The following TMEM132C variants were observed in gnomAD, a reference collection of about 807,000 sequenced individuals.
TMEM132C encodes the protein transmembrane protein 132C, also known as protein phosphatase 1, regulatory subunit 152.
Under a neutral mutation model 61.4 loss-of-function variants are expected in TMEM132C, and 29 were observed. That is an observed-to-expected ratio of 0.47 (90% CI 0.35 to 0.64). The LOEUF is 0.64. TMEM132C is among the 30% of genes least tolerant of loss of function. The probability of loss-of-function intolerance (pLI) is 0.00; values close to 1 mark genes in which losing one functional copy is unlikely to be tolerated. For synonymous variants in TMEM132C, 656 were observed against 633.1 expected (o/e 1.04, Z -0.54); for missense variants, 1,408 against 1,476.9 (o/e 0.95, Z 0.76).
chr12:128,423,663 A>G (rs941264013), intron 2 of TMEM132C, among the ~76,000 whole-genome samples: 6 of 151,996 alleles, frequency 3.9e-5, no homozygotes, highest in African/African-American at 1.5e-4. Flanking sequence ...TGAACCCAGG[A>G]GTTCAAGTCC....
intron 5 of TMEM132C, among the ~76,000 whole-genome samples, chr12:128,674,625 G>A (rs187997911): frequency 6.6e-6 from 1 of 152,298 alleles, no homozygotes; most frequent in African/African-American, 2.4e-5. Flanking sequence ...CAGCAGATCT[G>A]GCAGAGCTAC....
chr12:128,387,530 A>G (rs1054837397), intron 1 of TMEM132C, among the ~76,000 whole-genome samples: 2 of 152,056 alleles, frequency 1.3e-5, no homozygotes, highest in African/African-American at 2.4e-5. Context: ...AACAAAAATC[A>G]GCTGGGCACG....
intron 1 of TMEM132C, among the ~76,000 whole-genome samples, chr12:128,365,230 C>T (rs1479923032): frequency 6.6e-6 from 1 of 152,136 alleles, no homozygotes; most frequent in African/African-American, 2.4e-5. Flanking sequence ...GTTTGGTTCC[C>T]TTTGCCCCGA....
intron 1 of TMEM132C, among the ~76,000 whole-genome samples, chr12:128,343,995 C>G (rs1215475770): frequency 2.0e-5 from 3 of 152,096 alleles, no homozygotes; most frequent in Non-Finnish European, 4.4e-5. Flanking sequence ...TCTTTTATGA[C>G]TGGGTAATCT....
At chr12:128,475,919 A>T (rs1165466624) in intron 2 of TMEM132C, among the ~76,000 whole-genome samples, 3 of 152,162 alleles carry the variant, frequency 2.0e-5, no homozygotes, top group Admixed American at 1.3e-4. Flanking sequence ...TGACCAAGGG[A>T]GGTAGGTGGT....
At chr12:128,434,437 A>T (rs1869503550) in intron 2 of TMEM132C, among the ~76,000 whole-genome samples, 1 of 151,848 alleles carries the variant, frequency 6.6e-6, no homozygotes, top group Admixed American at 6.6e-5. Flanking sequence ...AGTAGCCAGG[A>T]TTACAGGTGC....
At chr12:128,622,525 G>A (rs935823965) in intron 4 of TMEM132C, among the ~76,000 whole-genome samples, 1 of 151,038 alleles carries the variant, frequency 6.6e-6, no homozygotes, top group Non-Finnish European at 1.5e-5. Context: ...TCCCACCTGG[G>A]GGCATCCTGT....
At chr12:128,542,718 G>A (rs1033754220) in intron 2 of TMEM132C, among the ~76,000 whole-genome samples, 4 of 120,624 alleles carry the variant, frequency 3.3e-5, no homozygotes, top group African/African-American at 5.5e-5. Flanking sequence ...AAAAGTAGCC[G>A]GGCGTGGTGG....
intron 1 of TMEM132C, among the ~76,000 whole-genome samples, chr12:128,286,229 A>G (rs1871066885): frequency 6.7e-6 from 1 of 149,728 alleles, no homozygotes; most frequent in Admixed American, 6.7e-5. Context: ...TTCAGTTCTC[A>G]GGAAGGTCTT....
At chr12:128,652,780 C>A (rs930492334) in intron 4 of TMEM132C, among the ~76,000 whole-genome samples, 1 of 152,250 alleles carries the variant, frequency 6.6e-6, no homozygotes, top group Non-Finnish European at 1.5e-5. Context: ...AGTGCTCAGG[C>A]CAATTTGGAG....
In TMEM132C at chr12:128,326,693, T is replaced by A. The variant is rs79963175; in HGVS notation, c.85+59206T>A. Among the ~76,000 whole-genome samples, 4 of 152,304 alleles carry A rather than the reference T, an allele frequency of 2.6e-5. No homozygotes were observed. In the East Asian group the frequency reaches 7.7e-4, roughly 29 times the overall value. ...ACTGAAGCAGGATCTCTATTAGCCT[T>A]TGTGCCCCTAAGACGGAGCAGGCTG... On this transcript the variant is annotated intron_variant, in intron 1 of 8. Transcript: ENST00000435159. This position sits in a 1 kb window ranked among gnomAD's most constrained non-coding sequence, Gnocchi z 5.6.
chr12:128,620,104 C>T (rs1038255077), intron 4 of TMEM132C, among the ~76,000 whole-genome samples: 3 of 151,832 alleles, frequency 2.0e-5, no homozygotes. Context: ...CGGTAGCACA[C>T]ACCTGTAGAC....
chr12:128,410,377 A>ACG (rs1275207212), intron 1 of TMEM132C, among the ~76,000 whole-genome samples: 1 of 151,658 alleles, frequency 6.6e-6, no homozygotes, highest in Non-Finnish European at 1.5e-5. Context: ...ATATATACAC[A>ACG]CACACATATA....
chr12:128,302,390 TG>T (rs1337835694), intron 1 of TMEM132C, among the ~76,000 whole-genome samples: 1 of 152,206 alleles, frequency 6.6e-6, no homozygotes, highest in African/African-American at 2.4e-5. Flanking sequence ...TCAGATTACT[TG>T]ACCAATTTTC....
In TMEM132C at chr12:128,411,230, G is replaced by A. The variant is rs564711122; in HGVS notation, c.86-3502G>A. Among the ~76,000 whole-genome samples, 19 of 152,088 alleles carry A rather than the reference G, an allele frequency of 1.2e-4. No homozygotes were observed. The South Asian group carries it at 3.8e-3, about 30-fold the overall frequency. ...CTTTGTAATTCAGTGAACAACTTGG[G>A]GCTAACTTGTTGGAAGACAATTTAA... On this transcript the variant is annotated intron_variant, in intron 1 of 8. Coordinates refer to ENST00000435159, the MANE Select transcript of TMEM132C (RefSeq NM_001136103.3).
intron 8 of TMEM132C, among the ~76,000 whole-genome samples, chr12:128,704,146 A>G (rs1484154995): frequency 6.6e-6 from 1 of 152,140 alleles, no homozygotes; most frequent in Non-Finnish European, 1.5e-5. Context: ...TTTTTTTGGA[A>G]TATTATTCAG....
chr12:128,309,731 T>C (rs1431814677), intron 1 of TMEM132C, among the ~76,000 whole-genome samples: 1 of 151,158 alleles, frequency 6.6e-6, no homozygotes, highest in Non-Finnish European at 1.5e-5. Flanking sequence ...TTTTTCTTTT[T>C]TTTTTTTCTT....
rs1875204658 is a variant in TMEM132C, at chr12:128,402,647, A to T, written c.86-12085A>T. ...TGCAGACGGACCTCGGTTCCAAGCC[A>T]CATTGTGGGTGGTCAGCGGGGGAGG... On this transcript the variant is annotated intron_variant, in intron 1 of 8. Coordinates refer to ENST00000435159, the MANE Select transcript of TMEM132C (RefSeq NM_001136103.3). Among the ~76,000 whole-genome samples the T allele has an allele frequency of 2.0e-5, 3 of 152,126 alleles. No homozygotes were observed. In the South Asian group the frequency reaches 6.2e-4, roughly 32 times the overall value.
intron 1 of TMEM132C, among the ~76,000 whole-genome samples, chr12:128,383,176 G>A (rs962063054): frequency 2.0e-5 from 3 of 152,090 alleles, no homozygotes; most frequent in African/African-American, 7.2e-5. Flanking sequence ...ATGTGTGTCA[G>A]TGTGTGCGCA....
Sources: gnomAD v4.1 joint callset for allele counts (sites outside exome capture counted in the v4.1 genomes callset) on GRCh38, gnomAD v4.1.1 for gene constraint, Gnocchi (gnomAD v3.1) non-coding constraint, MANE v1.5 for transcripts, NCBI Gene and HGNC (gene_info 2026-07-23, HGNC 2026-07-21) for gene names.